Variants in MADD observed in about 807,000 individuals in gnomAD.
MADD encodes the protein MAP kinase activating death domain.
Under a neutral mutation model 176.7 loss-of-function variants are expected in MADD, and 109 were observed. The observed-to-expected ratio is 0.62, with a 90% confidence interval of 0.53 to 0.72. MADD has a LOEUF of 0.72. Among genes scored for constraint, MADD ranks in the 30% least tolerant of loss-of-function variants. The pLI is 0.00. For synonymous variants in MADD, 771 were observed against 771.3 expected, an observed-to-expected ratio of 1.00 and a Z score of 0.01; for missense variants, 1,914 against 2,045.5, an observed-to-expected ratio of 0.94 and a Z score of 1.24.
At chr11:47,305,804 T>A (rs2082180434) in intron 22 of MADD, among the ~76,000 whole-genome samples, 1 of 152,100 alleles carries the variant, frequency 6.6e-6, no homozygotes, top group Admixed American at 6.5e-5. Context: ...GTACTGGAGT[T>A]GTTTGGCTAG....
At chr11:47,285,000 C>T (rs2059613334) in exon 13 of MADD, 16 of 1,614,110 alleles carry the variant, frequency 9.9e-6, no homozygotes, top group Non-Finnish European at 1.3e-5. Flanking sequence ...CCAAGCCCCT[C>T]CCTTCCGTGC....
chr11:47,275,210 T>A, intron 3 of MADD, 51 bp downstream of exon 3: 1 of 1,511,488 alleles, frequency 6.6e-7, no homozygotes, highest in Non-Finnish European at 9.0e-7. Context: ...AGATTCCATG[T>A]AATTGGTCTT....
intron 27 of MADD, among the ~76,000 whole-genome samples, chr11:47,320,177 C>G (rs1039018193): frequency 4.6e-5 from 7 of 150,722 alleles, no homozygotes; most frequent in African/African-American, 1.7e-4. Flanking sequence ...ATTACTCATG[C>G]TGGGTGTGGT....
intron 6 of MADD, 95 bp downstream of exon 6, chr11:47,278,373 G>A (rs1043684909): frequency 1.9e-5 from 17 of 900,798 alleles, no homozygotes; most frequent in South Asian, 9.2e-5. Context: ...TTTCAGGAAC[G>A]TCCTAAGTTG....
exon 6 of MADD, chr11:47,278,244 A>C (rs770480610): frequency 6.2e-7 from 1 of 1,613,966 alleles, no homozygotes; most frequent in Non-Finnish European, 8.5e-7. Context: ...AAAATGCCTG[A>C]TGATGTATGG....
chr11:47,328,054 G>A (rs988637589), intron 31 of MADD: 7 of 991,582 alleles, frequency 7.1e-6, no homozygotes, highest in Admixed American at 1.1e-4. Flanking sequence ...GCCCTCAGAC[G>A]CTCTCCCTCA....
In MADD at chr11:47,326,239, T is replaced by C. The variant is rs116845435; in HGVS notation, c.4543-499T>C. ...CTCAGCAAGTGGTAGCTGATATTATTATCACCACATACCTCTTGGGAGATC... is the reference window on the plus strand; with the variant it reads ...CTCAGCAAGTGGTAGCTGATATTATCATCACCACATACCTCTTGGGAGATC... On this transcript the variant is annotated intron_variant, in intron 30 of 32. Transcript: ENST00000402192. Among the ~76,000 whole-genome samples the C allele has an allele frequency of 2.6e-4, 40 of 152,352 alleles. No individual in the cohort carries two copies. The East Asian group carries it at 7.1e-3, about 27-fold the overall frequency.
chr11:47,272,510 C>T (rs940634419), intron 1 of MADD, among the ~76,000 whole-genome samples: 2 of 151,994 alleles, frequency 1.3e-5, no homozygotes, highest in Non-Finnish European at 2.9e-5. Flanking sequence ...GGTTTCTCTC[C>T]GTGTGCATTG....
chr11:47,309,559 C>G (rs751185365), exon 25 of MADD: 2 of 1,614,146 alleles, frequency 1.2e-6, no homozygotes, highest in South Asian at 1.1e-5. Flanking sequence ...TGATGAAGAT[C>G]GCTTGTTGGC....
intron 19 of MADD, 116 bp from the exon 21 acceptor site, chr11:47,292,402 ATGAAGATATCTTTGTATCTCTTGGT>A (rs2066098612): frequency 1.3e-6 from 1 of 745,746 alleles, no homozygotes; most frequent in African/African-American, 1.8e-5. Context: ...CCTTCTCCCC[ATGAAGATATCTTTGTATCTCTTGGT>A]TGGTAATCCA....
At chr11:47,298,831 A>G (rs1476873365) in intron 22 of MADD, among the ~76,000 whole-genome samples, 1 of 152,144 alleles carries the variant, frequency 6.6e-6, no homozygotes, top group African/African-American at 2.4e-5. Flanking sequence ...TAAGTCTTTA[A>G]TCCATTTTGG....
exon 4 of MADD, chr11:47,276,119 G>A (rs2049582862): frequency 6.2e-7 from 1 of 1,614,062 alleles, no homozygotes; most frequent in Non-Finnish European, 8.5e-7. Context: ...CACCCTAGTG[G>A]ATTTCCCACT....
exon 19 of MADD, chr11:47,290,690 G>C: frequency 6.2e-7 from 1 of 1,614,114 alleles, no homozygotes. Context: ...TGGGCGGGGG[G>C]ACCCAAAGGC....
In MADD at chr11:47,308,631, TG is replaced by T; in HGVS notation, c.3685del (p.Ala1229GlnfsTer11). ...TTGAAGCCAAGCATAAAGGAGAAGC[TG>T]GCAGGCAGCCCCATTCGTACTTCTG... is the stretch of plus-strand genomic sequence containing the variant. On this transcript the variant is annotated frameshift_variant, in exon 23 of 33. Transcript: ENST00000402192. LOFTEE classifies it high-confidence loss of function. 6.2e-7 allele frequency: 1 copy of T among 1,614,110 alleles called. No homozygotes were observed. Among genetic ancestry groups the T allele is most frequent in the Non-Finnish European group, 8.5e-7 (1 of 1,179,988 alleles).
chr11:47,282,585 C>T (rs780098303), exon 9 of MADD: 2 of 1,614,208 alleles, frequency 1.2e-6, no homozygotes, highest in South Asian at 1.1e-5. Flanking sequence ...TCCTTAACCC[C>T]ACCAACTATG....
intron 22 of MADD, among the ~76,000 whole-genome samples, chr11:47,297,169 C>T (rs181592124): frequency 6.6e-5 from 10 of 152,256 alleles, no homozygotes; most frequent in East Asian, 1.9e-4. Flanking sequence ...AGAGCTTATA[C>T]GCATAGGTCC....
chr11:47,271,198 G>A (rs1011568798), intron 1 of MADD: 2 of 152,236 alleles, frequency 1.3e-5, no homozygotes, highest in Non-Finnish European at 2.9e-5. Flanking sequence ...ACATGGTTGA[G>A]GCAAGAGGCA....
At chr11:47,281,040 C>T (rs150970378) in intron 7 of MADD, among the ~76,000 whole-genome samples, 1 of 152,250 alleles carries the variant, frequency 6.6e-6, no homozygotes, top group East Asian at 1.9e-4. Context: ...ATTTTAACAG[C>T]CTCCCCTGGT....
chr11:47,326,548 G>A (rs1039375625), intron 30 of MADD: 18 of 1,380,098 alleles, frequency 1.3e-5, no homozygotes, highest in Admixed American at 1.2e-4. Context: ...GGCCAGGAGC[G>A]GAAGGTACAT....
Sources: gnomAD v4.1 joint callset for allele counts (sites outside exome capture counted in the v4.1 genomes callset) on GRCh38, gnomAD v4.1.1 for gene constraint, MANE v1.5 for transcripts, NCBI Gene and HGNC (gene_info 2026-07-23, HGNC 2026-07-21) for gene names.